Variants in CUBN observed in about 807,000 individuals in gnomAD.
CUBN encodes cubilin.
Under a neutral mutation model 405.3 loss-of-function variants are expected in CUBN, and 282 were observed. The observed-to-expected ratio is 0.70, with a 90% CI of 0.63 to 0.77. CUBN has a LOEUF of 0.77. Among genes scored for constraint, CUBN ranks in the 30% least tolerant of loss-of-function variants. The probability of loss-of-function intolerance (pLI) is 0.00; values close to 1 mark genes in which losing one functional copy is unlikely to be tolerated. For synonymous variants in CUBN, 1,684 were observed against 1,617.0 expected (o/e 1.04, Z -0.99); for missense variants, 4,514 against 4,475.2 (o/e 1.01, Z -0.25).
intron 43 of CUBN, 42 bp from the exon 44 acceptor site, chr10:16,920,179 G>C: frequency 6.3e-7 from 1 of 1,597,996 alleles, no homozygotes; most frequent in Non-Finnish European, 8.6e-7. Flanking sequence ...ATCTGGTGAA[G>C]GGGATGCAGT....
At chr10:16,865,862 T>C (rs1419515509) in intron 59 of CUBN, among the ~76,000 whole-genome samples, 3 of 152,184 alleles carry the variant, frequency 2.0e-5, no homozygotes, top group Admixed American at 6.5e-5. Flanking sequence ...GCTCACTCTT[T>C]GGGTCCATGC....
intron 10 of CUBN, among the ~76,000 whole-genome samples, chr10:17,105,955 C>G (rs1447190097): frequency 6.6e-6 from 1 of 152,154 alleles, no homozygotes; most frequent in African/African-American, 2.4e-5. Flanking sequence ...CTGTTGCAAG[C>G]ACTGGACTTA....
At chr10:16,912,471 A>C (rs1427232288) in intron 48 of CUBN, among the ~76,000 whole-genome samples, 2 of 152,208 alleles carry the variant, frequency 1.3e-5, no homozygotes, top group African/African-American at 4.8e-5. Flanking sequence ...TGATGAACAA[A>C]TCAAAATGAT....
At chr10:17,081,905 TA>T (rs1490027145) in intron 17 of CUBN, among the ~76,000 whole-genome samples, 2 of 152,152 alleles carry the variant, frequency 1.3e-5, no homozygotes, top group East Asian at 3.9e-4. Context: ...AGATATAATA[TA>T]AAAATCTATC....
Position 16,928,275 on chromosome 10 carries a change from T to C in CUBN, c.6153A>G (p.Ala2051=), listed in dbSNP as rs1198800174. The change falls in exon 41 of 67, where the codon GCA becomes GCG. Residue 2051 remains alanine, a synonymous_variant. Transcript: ENST00000377833. ...CAGGGATCTCTCTGCCACAGAGAAC[T>C]GCTAGCTGCTGGGCCAAGTTATTAT... ...DGDNNLAQQL[A]VLCGREIPGP... 6 of 1,613,892 alleles carry C rather than the reference T, an allele frequency of 3.7e-6. No homozygotes were observed. The highest frequency in any genetic ancestry group is 1.1e-5 in the South Asian group (1 of 91,068).
chr10:17,079,036 T>C (rs955344899), intron 17 of CUBN, among the ~76,000 whole-genome samples: 3 of 152,144 alleles, frequency 2.0e-5, no homozygotes, highest in Admixed American at 6.6e-5. Context: ...TCTCTCAGTC[T>C]GTTTCCTGCC....
At chr10:16,948,643 C>A (rs1465664066) in intron 34 of CUBN, 37 bp from the exon 35 acceptor site, 1 of 1,611,522 alleles carries the variant, frequency 6.2e-7, no homozygotes, top group Non-Finnish European at 8.5e-7. Flanking sequence ...GAATGAATGA[C>A]AACATGGCAG....
Position 16,825,015 on chromosome 10 carries a change from G to A in CUBN, c.10832C>T (p.Ala3611Val), listed in dbSNP as rs759992063. ...TAATCGGAATGCGGATGGACGCCGT[G>A]CATAATCAGCATGAAATTTTATGAA... ...QVFIKFHADYARRPSAFRLTW... is the reference protein window; with the variant it reads ...QVFIKFHADYVRRPSAFRLTW... Residue 3611 changes from alanine to valine, a missense_variant, in exon 67 of 67, where the codon GCA (alanine) becomes GTA (valine). By Grantham distance (64) the Ala-to-Val change is moderately conservative. This residue lies in a region of CUBN where 1,186 missense variants were observed against 1,186.9 expected (regional missense o/e 1.00). Transcript: ENST00000377833. 5 of 1,613,830 alleles carry A rather than the reference G, an allele frequency of 3.1e-6. No individual in the cohort carries two copies. The South Asian group carries it at 3.3e-5, about 11-fold the overall frequency.
chr10:16,996,928 AG>A (rs1833750285), intron 28 of CUBN, among the ~76,000 whole-genome samples: 1 of 152,266 alleles, frequency 6.6e-6, no homozygotes, highest in South Asian at 2.1e-4. Context: ...GGAAATCAAC[AG>A]TTGCTGTTAA....
Position 16,984,127 on chromosome 10 carries a change from C to T in CUBN, c.4503G>A (p.Ala1501=), listed in dbSNP as rs377031417. The T allele has an allele frequency of 2.1e-5, 34 of 1,613,962 alleles. No individual in the cohort carries two copies. The highest frequency in any genetic ancestry group is 9.3e-5 in the African/African-American group (7 of 74,886). The part of the protein sequence containing the change: ...DLSINGRGFN[A]SWQAVTGGCG... ...CACCTCCAGTGACTGCTTGCCATGACGCATTGAAGCCTCTCCCATTTATGG... is the reference window on the plus strand; with the variant it reads ...CACCTCCAGTGACTGCTTGCCATGATGCATTGAAGCCTCTCCCATTTATGG... The change falls in exon 30 of 67, where the codon GCG becomes GCA. Residue 1501 remains alanine, a synonymous_variant. Coordinates refer to ENST00000377833, the MANE Select transcript of CUBN (RefSeq NM_001081.4).
chr10:17,025,967 G>A (rs761976359), intron 27 of CUBN, among the ~76,000 whole-genome samples: 12 of 152,254 alleles, frequency 7.9e-5, no homozygotes, highest in Non-Finnish European at 1.3e-4. Context: ...AGGCTGCCAC[G>A]GTGAGGTGGA....
At chr10:16,869,265 A>G (rs1840278988) in intron 59 of CUBN, among the ~76,000 whole-genome samples, 1 of 148,830 alleles carries the variant, frequency 6.7e-6, no homozygotes, top group Non-Finnish European at 1.5e-5. Flanking sequence ...TCCTGGGTTC[A>G]AGCAATTCTC....
At chr10:16,969,357 C>A (rs1263357127) in intron 31 of CUBN, among the ~76,000 whole-genome samples, 1 of 80,890 alleles carries the variant, frequency 1.2e-5, no homozygotes, top group Non-Finnish European at 2.7e-5. Flanking sequence ...TGTATTACTG[C>A]TCCATTTTTT....
At chr10:16,967,781 G>C (rs1033452346) in intron 31 of CUBN, among the ~76,000 whole-genome samples, 1 of 150,836 alleles carries the variant, frequency 6.6e-6, no homozygotes, top group Non-Finnish European at 1.5e-5. Context: ...GGGAGAAAGA[G>C]AGAGAAGGAG....
intron 35 of CUBN, among the ~76,000 whole-genome samples, chr10:16,948,187 C>T (rs576510634): frequency 2.4e-4 from 36 of 152,256 alleles, no homozygotes; most frequent in African/African-American, 4.3e-4. Flanking sequence ...CCAACCTGGG[C>T]GACCAAGTGA....
chr10:16,939,272 A>G (rs1842595025), intron 37 of CUBN, 125 bp from the exon 38 acceptor site: 1 of 798,676 alleles, frequency 1.3e-6, no homozygotes, highest in Non-Finnish European at 2.1e-6. Flanking sequence ...TTCTTTTCTG[A>G]CTAGGGAAAG....
At chr10:16,986,643 G>A (rs1431509748) in intron 29 of CUBN, among the ~76,000 whole-genome samples, 1 of 152,152 alleles carries the variant, frequency 6.6e-6, no homozygotes, top group Non-Finnish European at 1.5e-5. Flanking sequence ...CAGGGCTTTA[G>A]GAAGAGCCCT....
intron 17 of CUBN, among the ~76,000 whole-genome samples, chr10:17,078,866 C>T (rs1835909889): frequency 6.6e-6 from 1 of 152,160 alleles, no homozygotes; most frequent in African/African-American, 2.4e-5. Context: ...TTGTAATGTT[C>T]TTGATAATGG....
chr10:16,996,372 T>G (rs561506546), intron 28 of CUBN, among the ~76,000 whole-genome samples: 2 of 152,358 alleles, frequency 1.3e-5, no homozygotes, highest in East Asian at 1.9e-4. Flanking sequence ...CTCACTCATC[T>G]GCCGAAAGGA....
Sources: allele counts gnomAD v4.1 joint callset (sites outside exome capture counted in the v4.1 genomes callset), GRCh38; gene constraint gnomAD v4.1.1; regional missense constraint gnomAD v4.1.1; transcripts MANE v1.5; gene names NCBI Gene and HGNC (gene_info 2026-07-23, HGNC 2026-07-21).